The following XXYLT1 variants were observed in gnomAD, a reference collection of about 807,000 sequenced individuals.
XXYLT1 encodes UDP-xylose:alpha-xyloside alpha-1,3-xylosyltransferase.
Under a neutral mutation model 28.9 loss-of-function variants are expected in XXYLT1, and 20 were observed. The ratio of observed to expected loss-of-function variants is 0.69; its 90% confidence interval spans 0.49 to 1.00. XXYLT1 has a LOEUF of 1.00. Ranked by LOEUF, XXYLT1 falls within the 50% of genes least tolerant of loss-of-function variation. XXYLT1 has a pLI of 0.00. For synonymous variants in XXYLT1, 257 were observed against 253.8 expected, an observed-to-expected ratio of 1.01 and a Z score of -0.12; for missense variants, 542 against 560.1, an observed-to-expected ratio of 0.97 and a Z score of 0.33.
intron 2 of XXYLT1, among the ~76,000 whole-genome samples, chr3:195,218,068 A>C (rs1170997547): frequency 6.7e-6 from 1 of 149,492 alleles, no homozygotes; most frequent in Non-Finnish European, 1.5e-5. Flanking sequence ...TGAGGAACGG[A>C]TTCCCTATTT....
In XXYLT1 at chr3:195,077,458, G is replaced by A. The variant is rs1387269497; in HGVS notation, c.786-7347C>T. Among the ~76,000 whole-genome samples, 4 of 152,190 alleles carry A rather than the reference G, an allele frequency of 2.6e-5. No individual in the cohort carries two copies. Among genetic ancestry groups the A allele is most frequent in the African/African-American group, 4.8e-5 (2 of 41,452 alleles). ...GGTGCTCAGCCTCTGCAGAGCTGATGCTGCAAATGCTCCTCCCTGCCCAGG... is the reference window on the plus strand; with the variant it reads ...GGTGCTCAGCCTCTGCAGAGCTGATACTGCAAATGCTCCTCCCTGCCCAGG... On this transcript the variant is annotated intron_variant, in intron 3 of 3. Coordinates refer to ENST00000310380, the MANE Select transcript of XXYLT1 (RefSeq NM_152531.5). The surrounding 1 kb of genome is among the most constrained non-coding windows in gnomAD (Gnocchi z 4.8).
rs538247579 is a variant in XXYLT1 at position 195,195,291 on chromosome 3, AG to A, written c.652+31417del. 4.3e-4 allele frequency among the ~76,000 whole-genome samples: 65 copies of A among 152,334 alleles called. No individual in the cohort carries two copies. Among genetic ancestry groups the A allele is most frequent in the African/African-American group, 1.5e-3 (63 of 41,560 alleles). On this transcript the variant is annotated intron_variant, in intron 2 of 3. Transcript: ENST00000310380. This position sits in a 1 kb window ranked among gnomAD's most constrained non-coding sequence, Gnocchi z 4.4. ...TGGGTCTCAGTAAGCCTTCTGTATT[AG>A]CAGTTATTATTATTACAGTCATACT...
intron 3 of XXYLT1, among the ~76,000 whole-genome samples, chr3:195,085,019 G>A (rs1350074314): frequency 6.6e-6 from 1 of 152,232 alleles, no homozygotes; most frequent in Admixed American, 6.5e-5. Context: ...AACCTCCAGA[G>A]TGTGTGGTTC....
chr3:195,222,580 T>A (rs1247993982), intron 2 of XXYLT1, among the ~76,000 whole-genome samples: 1 of 152,124 alleles, frequency 6.6e-6, no homozygotes, highest in Non-Finnish European at 1.5e-5. Flanking sequence ...ATAATCTGTA[T>A]GCATGTGGAT....
intron 3 of XXYLT1, among the ~76,000 whole-genome samples, chr3:195,082,708 G>A (rs1715502967): frequency 6.6e-6 from 1 of 152,170 alleles, no homozygotes; most frequent in Non-Finnish European, 1.5e-5. Context: ...AATTAGCCGG[G>A]TGTGGTGGCG....
intron 3 of XXYLT1, among the ~76,000 whole-genome samples, chr3:195,098,971 C>T (rs923335467): frequency 1.1e-4 from 16 of 152,204 alleles, no homozygotes; most frequent in Non-Finnish European, 1.9e-4. Flanking sequence ...AGGGCTGCTG[C>T]TTCTCCCTTT....
intron 1 of XXYLT1, among the ~76,000 whole-genome samples, chr3:195,260,333 GA>G (rs1230352902): frequency 6.6e-6 from 1 of 151,994 alleles, no homozygotes; most frequent in Non-Finnish European, 1.5e-5. Flanking sequence ...CTCCTCTCCA[GA>G]CGGGGGGCCC....
chr3:195,204,675 C>T (rs1722999647), intron 2 of XXYLT1, among the ~76,000 whole-genome samples: 1 of 152,212 alleles, frequency 6.6e-6, no homozygotes, highest in South Asian at 2.1e-4. Context: ...ACTCAAGTAT[C>T]TCACTACCCA....
At chr3:195,080,195 A>G (rs1416689963) in intron 3 of XXYLT1, among the ~76,000 whole-genome samples, 1 of 152,190 alleles carries the variant, frequency 6.6e-6, no homozygotes, top group Non-Finnish European at 1.5e-5. Context: ...AAGCCCAGGA[A>G]TCCACATCTG....
intron 3 of XXYLT1, among the ~76,000 whole-genome samples, chr3:195,109,699 TG>T (rs754339795): frequency 6.3e-4 from 9 of 14,348 alleles, no homozygotes; most frequent in South Asian, 1.6e-3. Flanking sequence ...GTGTGGTGTC[TG>T]GTGTGTGTGG....
At chr3:195,254,545 C>T (rs2108845076) in intron 1 of XXYLT1, among the ~76,000 whole-genome samples, 1 of 152,334 alleles carries the variant, frequency 6.6e-6, no homozygotes, top group East Asian at 1.9e-4. Flanking sequence ...TCTTTTGTTT[C>T]CCAAGGTGAA....
chr3:195,259,522 T>C, intron 1 of XXYLT1: 1 of 977,078 alleles, frequency 1.0e-6, no homozygotes, highest in Non-Finnish European at 1.2e-6. Flanking sequence ...AGGCGGCCCT[T>C]CCAGCAAGCA....
At chr3:195,220,386 C>T (rs1420441151) in intron 2 of XXYLT1, among the ~76,000 whole-genome samples, 3 of 152,268 alleles carry the variant, frequency 2.0e-5, no homozygotes, top group Non-Finnish European at 1.5e-5. Context: ...TCAGATGATC[C>T]GCCCGCCTCG....
At chr3:195,166,152 C>G (rs1170927257) in intron 2 of XXYLT1, among the ~76,000 whole-genome samples, 1 of 152,022 alleles carries the variant, frequency 6.6e-6, no homozygotes, top group East Asian at 1.9e-4. Context: ...CATTTCACCA[C>G]CAAGAAACCC....
intron 3 of XXYLT1, among the ~76,000 whole-genome samples, chr3:195,110,370 TGTGCTGTATAA>T (rs1717541698): frequency 4.4e-4 from 41 of 93,386 alleles, no homozygotes; most frequent in African/African-American, 7.6e-4. Flanking sequence ...TGCGTGCGTG[TGTGCTGTATAA>T]GTGTGTGTGG....
At chr3:195,221,163 G>A (rs1723807135) in intron 2 of XXYLT1, among the ~76,000 whole-genome samples, 1 of 152,166 alleles carries the variant, frequency 6.6e-6, no homozygotes, top group Admixed American at 6.5e-5. Flanking sequence ...CTATAAAACA[G>A]CTGACCGGTA....
intron 3 of XXYLT1, among the ~76,000 whole-genome samples, chr3:195,111,213 C>T (rs1038172909): frequency 2.0e-5 from 3 of 151,712 alleles, no homozygotes; most frequent in Non-Finnish European, 4.4e-5. Flanking sequence ...ACGTGATGTT[C>T]TCCCTGTGTG....
At position 195,256,448 on chromosome 3, in the gene XXYLT1, G is replaced by A. The variant is rs531073103; in HGVS notation, c.504+14107C>T. 138 of 984,004 alleles carry A rather than the reference G, an allele frequency of 1.4e-4. No individual in the cohort carries two copies. The African/African-American group carries it at 1.9e-3, about 14-fold the overall frequency. The allele number at this position is 984,004 out of a possible 1,614,324, so 61.0% of individuals were successfully genotyped here. A position where few individuals can be genotyped will look rare whatever the true frequency, so the allele number is the denominator to read the frequency against. ...TGCGGCCCTGCACAGGGCAGGGCCCGAGAAACGAACCAGTACCTCCCAGAG... is the reference window on the plus strand; with the variant it reads ...TGCGGCCCTGCACAGGGCAGGGCCCAAGAAACGAACCAGTACCTCCCAGAG... On this transcript the variant is annotated intron_variant, in intron 1 of 3. Coordinates refer to ENST00000310380, the MANE Select transcript of XXYLT1 (RefSeq NM_152531.5). This position sits in a 1 kb window ranked among gnomAD's most constrained non-coding sequence, Gnocchi z 4.2.
intron 3 of XXYLT1, among the ~76,000 whole-genome samples, chr3:195,070,845 T>C (rs532522257): frequency 3.3e-5 from 5 of 150,396 alleles, no homozygotes; most frequent in African/African-American, 1.2e-4. Context: ...AGAAGAGCCA[T>C]GTAGGATGAT....
Sources: gnomAD v4.1 joint callset for allele counts (sites outside exome capture counted in the v4.1 genomes callset) on GRCh38, gnomAD v4.1.1 for gene constraint, Gnocchi (gnomAD v3.1) non-coding constraint, MANE v1.5 for transcripts, NCBI Gene and HGNC (gene_info 2026-07-23, HGNC 2026-07-21) for gene names.